Variants in SMIM45 observed in about 807,000 individuals in gnomAD.
The protein encoded by SMIM45 is long intergenic non-protein coding RNA 634.
chr22:41,956,579 G>A, the SMIM45 span, among the ~76,000 whole-genome samples: 3 of 152,214 alleles, frequency 2.0e-5, no homozygotes, highest in African/African-American at 2.4e-5. Flanking sequence ...GCTGGGCCCC[G>A]GGGCTCAGGG....
the SMIM45 span, among the ~76,000 whole-genome samples, chr22:41,956,748 C>T: frequency 7.9e-5 from 12 of 152,218 alleles, no homozygotes; most frequent in Non-Finnish European, 1.5e-5. Flanking sequence ...TGAGGCCCTG[C>T]GAGGTTAGGC....
At chr22:41,948,041 G>C in the SMIM45 span, among the ~76,000 whole-genome samples, 1 of 152,158 alleles carries the variant, frequency 6.6e-6, no homozygotes, top group East Asian at 1.9e-4. Context: ...TGAGTACAGA[G>C]CTGTCAGGGT....
the SMIM45 span, among the ~76,000 whole-genome samples, chr22:41,951,019 C>G: frequency 1.3e-5 from 2 of 152,222 alleles, no homozygotes; most frequent in Non-Finnish European, 2.9e-5. Flanking sequence ...TGTGAACTCA[C>G]AGTCACCCCC....
the SMIM45 span, chr22:41,947,088 GACCA>G: frequency 1.2e-6 from 2 of 1,612,690 alleles, no homozygotes; most frequent in Admixed American, 3.3e-5. Flanking sequence ...ACAGCCGCAG[GACCA>G]ACCGTTGCTC....
chr22:41,956,611 C>T, the SMIM45 span, among the ~76,000 whole-genome samples: 1 of 152,236 alleles, frequency 6.6e-6, no homozygotes, highest in African/African-American at 2.4e-5. Context: ...CCAGAGGAGG[C>T]ATCGCCCAAC....
chr22:41,947,262 C>T, the SMIM45 span: 6 of 603,942 alleles, frequency 9.9e-6, no homozygotes, highest in East Asian at 5.5e-5. Flanking sequence ...TCCAGCGCTA[C>T]CCGTGGAACA....
the SMIM45 span, among the ~76,000 whole-genome samples, chr22:41,954,728 C>T: frequency 6.6e-6 from 1 of 152,012 alleles, no homozygotes; most frequent in African/African-American, 2.4e-5. Flanking sequence ...TCTGGGTGGG[C>T]CGAGCACGGT....
the SMIM45 span, among the ~76,000 whole-genome samples, chr22:41,956,528 G>A: frequency 6.6e-6 from 1 of 152,206 alleles, no homozygotes; most frequent in Non-Finnish European, 1.5e-5. Flanking sequence ...CATCTCAGGG[G>A]CAGGTGCTGG....
At chr22:41,957,423 T>G in the SMIM45 span, among the ~76,000 whole-genome samples, 2 of 150,856 alleles carry the variant, frequency 1.3e-5, no homozygotes, top group African/African-American at 2.4e-5. Flanking sequence ...AGGATGGTCT[T>G]GATCTCCTGA....
the SMIM45 span, among the ~76,000 whole-genome samples, chr22:41,957,464 G>A: frequency 6.6e-6 from 1 of 151,496 alleles, no homozygotes; most frequent in Non-Finnish European, 1.5e-5. Flanking sequence ...GGCCTCCAAA[G>A]TGCTGGGATT....
At chr22:41,955,454 T>C in the SMIM45 span, among the ~76,000 whole-genome samples, 1 of 151,906 alleles carries the variant, frequency 6.6e-6, no homozygotes, top group Non-Finnish European at 1.5e-5. Flanking sequence ...GCTGGGATCA[T>C]AGGCATGAGC....
At chr22:41,952,184 G>T in the SMIM45 span, 1 of 152,536 alleles carries the variant, frequency 6.6e-6, no homozygotes, top group African/African-American at 2.4e-5. Context: ...AGGGTGCTGA[G>T]CCAGTCCAGG....
chr22:41,947,194 G>A, the SMIM45 span: 12 of 886,260 alleles, frequency 1.4e-5, no homozygotes, highest in Admixed American at 2.1e-5. Context: ...GGGGCTTCGC[G>A]GGACGGGACG....
At chr22:41,957,230 G>C in the SMIM45 span, among the ~76,000 whole-genome samples, 1 of 120,350 alleles carries the variant, frequency 8.3e-6, no homozygotes, top group Non-Finnish European at 1.6e-5. Flanking sequence ...GTATCGCTCT[G>C]TCACCCAGGC....
chr22:41,948,172 CAA>C, the SMIM45 span, among the ~76,000 whole-genome samples: 1 of 152,136 alleles, frequency 6.6e-6, no homozygotes, highest in Non-Finnish European at 1.5e-5. Flanking sequence ...ATGTAAGAAA[CAA>C]GAGGTTAGAG....
chr22:41,955,625 T>C, the SMIM45 span, among the ~76,000 whole-genome samples: 5 of 151,600 alleles, frequency 3.3e-5, no homozygotes. Flanking sequence ...GCTAACACGG[T>C]GAAACCCCGT....
chr22:41,955,780 T>A, the SMIM45 span, among the ~76,000 whole-genome samples: 1 of 132,440 alleles, frequency 7.6e-6, no homozygotes, highest in Non-Finnish European at 1.5e-5. Flanking sequence ...CATTCCAGCC[T>A]GGGTGACAGA....
the SMIM45 span, among the ~76,000 whole-genome samples, chr22:41,951,292 A>G: frequency 3.3e-5 from 5 of 152,232 alleles, no homozygotes; most frequent in Admixed American, 2.6e-4. Flanking sequence ...TGTCTATGGC[A>G]TAGGGGGAGG....
the SMIM45 span, among the ~76,000 whole-genome samples, chr22:41,948,670 C>A: frequency 6.6e-6 from 1 of 152,126 alleles, no homozygotes; most frequent in African/African-American, 2.4e-5. Flanking sequence ...TATAACCCAG[C>A]ACTTTGGGAG....
Sources: gnomAD v4.1 joint callset for allele counts (sites outside exome capture counted in the v4.1 genomes callset) on GRCh38, gnomAD v4.1.1 for gene constraint, MANE v1.5 for transcripts, NCBI Gene and HGNC (gene_info 2026-07-23, HGNC 2026-07-21) for gene names.